The following NLRP1 variants were observed in gnomAD, a reference collection of about 807,000 sequenced individuals.
NLRP1 encodes NLR family pyrin domain containing 1.
Under a neutral mutation model 136.7 loss-of-function variants are expected in NLRP1, and 94 were observed. That is an observed-to-expected ratio of 0.69 (90% CI 0.58 to 0.82). The LOEUF (loss-of-function observed/expected upper bound fraction) is 0.82, where lower values mean the gene tolerates loss of function less well. Ranked by LOEUF, NLRP1 falls within the 40% of genes least tolerant of loss-of-function variation. NLRP1 has a pLI of 0.00. For synonymous variants in NLRP1, 690 were observed against 725.1 expected, an observed-to-expected ratio of 0.95 and a Z score of 0.78; for missense variants, 1,575 against 1,802.7, an observed-to-expected ratio of 0.87 and a Z score of 2.29.
rs770751448 is a variant in NLRP1 at position 5,541,939 on chromosome 17, T to C, written c.2617A>G (p.Ser873Gly). ...CCAGCATCCGTGAGCACATTGAAGC[T>C]CAGGTCCAGCTCGGTCAGGGTCTGG... is the stretch of plus-strand genomic sequence containing the variant. Reference protein sequence around the residue: ...ANQTLTELDLSFNVLTDAGAK... With the variant: ...ANQTLTELDLGFNVLTDAGAK... The change falls in exon 6 of 17, where the codon AGC (serine) becomes GGC (glycine). Residue 873 changes from serine (S) to glycine (G), a missense_variant. Ser to Gly is a moderately conservative substitution (Grantham distance 56). Transcript: ENST00000572272. This position sits in a 1 kb window ranked among gnomAD's most constrained non-coding sequence, Gnocchi z 4.2. 1.2e-6 allele frequency: 2 copies of C among 1,614,102 alleles called. No homozygotes were observed. The highest frequency in any genetic ancestry group is 1.7e-6 in the Non-Finnish European group (2 of 1,180,026).
intron 5 of NLRP1, among the ~76,000 whole-genome samples, chr17:5,545,337 GAC>G (rs55788409): frequency 0.54 from 79,171 of 147,576 alleles, 21,482 homozygotes; most frequent in East Asian, 0.81. Context: ...CAGACACACA[GAC>G]ACACACACAC....
At chr17:5,542,583 C>T (rs1047541692) in intron 5 of NLRP1, among the ~76,000 whole-genome samples, 1 of 152,148 alleles carries the variant, frequency 6.6e-6, no homozygotes, top group African/African-American at 2.4e-5. Context: ...TCCCCAGACT[C>T]CCTGCTCCTT....
intron 11 of NLRP1, 84 bp downstream of exon 11, chr17:5,532,738 G>A: frequency 8.0e-7 from 1 of 1,253,342 alleles, no homozygotes; most frequent in South Asian, 1.6e-5. Context: ...GGGGTAGGGG[G>A]TGGCGCTGAC....
intron 3 of NLRP1, among the ~76,000 whole-genome samples, chr17:5,580,769 T>A (rs552154582): frequency 6.6e-6 from 1 of 152,346 alleles, no homozygotes; most frequent in African/African-American, 2.4e-5. Context: ...TTGGATTTTT[T>A]AATTCACAAA....
intron 11 of NLRP1, among the ~76,000 whole-genome samples, chr17:5,532,440 G>A (rs995633686): frequency 2.0e-5 from 3 of 152,092 alleles, no homozygotes; most frequent in Non-Finnish European, 1.5e-5. Flanking sequence ...TTTGAGATGC[G>A]TAATGAAATA....
chr17:5,518,964 G>A (rs1908509991), intron 14 of NLRP1, among the ~76,000 whole-genome samples: 1 of 149,826 alleles, frequency 6.7e-6, no homozygotes, highest in South Asian at 2.1e-4. Context: ...TCAGCCTCCT[G>A]AGTATCAGGG....
rs568848216 is a variant in NLRP1, at chr17:5,536,442, C to T, written c.2960+409G>A. 9.5e-5 allele frequency among the ~76,000 whole-genome samples: 13 copies of T among 136,514 alleles called. No individual in the cohort carries two copies. In the East Asian group the frequency reaches 1.5e-3, roughly 16 times the overall value. 89.6% of individuals were successfully genotyped at this position (136,514 alleles called of 152,430 possible). ...GATTACAGGCGTGAGCCACCATGCCCGGCTTTTTTTTTTTTTTTTTTTTTT... is the reference window on the plus strand; with the variant it reads ...GATTACAGGCGTGAGCCACCATGCCTGGCTTTTTTTTTTTTTTTTTTTTTT... On this transcript the variant is annotated intron_variant, in intron 8 of 16. Transcript: ENST00000572272.
intron 12 of NLRP1, among the ~76,000 whole-genome samples, chr17:5,526,224 C>T (rs1189360618): frequency 1.3e-5 from 2 of 152,130 alleles, no homozygotes; most frequent in Non-Finnish European, 2.9e-5. Flanking sequence ...GTCATCCTCC[C>T]GTTTCTGCCT....
At chr17:5,539,010 A>G (rs1911485517) in intron 7 of NLRP1, among the ~76,000 whole-genome samples, 2 of 152,112 alleles carry the variant, frequency 1.3e-5, no homozygotes, top group African/African-American at 4.8e-5. Flanking sequence ...AGCTGGGATT[A>G]CAGGTGCACA....
At chr17:5,581,713 C>T (rs761330703) in intron 3 of NLRP1, 146 bp downstream of exon 3, 68 of 752,962 alleles carry the variant, frequency 9.0e-5, no homozygotes, top group Middle Eastern at 3.6e-4. Context: ...AGTGGAGAGG[C>T]TCCAAGGGTG....
At chr17:5,553,892 T>C (rs1021780089) in intron 4 of NLRP1, among the ~76,000 whole-genome samples, 2 of 151,020 alleles carry the variant, frequency 1.3e-5, no homozygotes, top group Non-Finnish European at 2.9e-5. Context: ...CTGCTCAGCA[T>C]AGGGCCTGGC....
intron 3 of NLRP1, among the ~76,000 whole-genome samples, chr17:5,568,107 G>C (rs1467529059): frequency 2.0e-5 from 3 of 151,960 alleles, no homozygotes; most frequent in Non-Finnish European, 4.4e-5. Flanking sequence ...CCCTAGGTTT[G>C]GGAAATTTTC....
At chr17:5,545,156 A>T (rs1912409571) in intron 5 of NLRP1, among the ~76,000 whole-genome samples, 1 of 152,098 alleles carries the variant, frequency 6.6e-6, no homozygotes, top group Non-Finnish European at 1.5e-5. Context: ...TTAAACACAC[A>T]TCCTGGCAAG....
At chr17:5,511,845 C>CCTCTTT (rs755542822), downstream of NLRP1, among the ~76,000 whole-genome samples, 5 of 149,980 alleles carry the variant, frequency 3.3e-5, no homozygotes, top group African/African-American at 4.9e-5. Context: ...CCTTCCTCTT[C>CCTCTTT]CTCTTTCTCT....
chr17:5,558,966 T>C lies in NLRP1; in HGVS notation c.1730A>G (p.Glu577Gly). 1.2e-6 allele frequency: 2 copies of C among 1,614,128 alleles called. No homozygotes were observed. Among genetic ancestry groups the C allele is most frequent in the South Asian group, 1.1e-5 (1 of 91,074 alleles). ...AAGGGTCTTTTTTTGCCAGATGCCCTCAGCAGCCAGAGAGCAGAGGTCTCT... is the reference window on the plus strand; with the variant it reads ...AAGGGTCTTTTTTTGCCAGATGCCCCCAGCAGCCAGAGAGCAGAGGTCTCT... The part of the protein sequence containing the change: ...QLRDLCSLAA[E>G]GIWQKKTLFS... Residue 577 changes from glutamate to glycine, a missense_variant, in exon 4 of 17, where the codon GAG becomes GGG. Coordinates refer to ENST00000572272, the MANE Select transcript of NLRP1 (RefSeq NM_033004.4).
At chr17:5,558,314 A>G in intron 4 of NLRP1, 25 bp downstream of exon 4, 1 of 1,568,852 alleles carries the variant, frequency 6.4e-7, no homozygotes, top group South Asian at 1.2e-5. Context: ...GAGGAGCTGC[A>G]GACATGGGTG....
At chr17:5,568,816 T>C (rs1597473395) in intron 3 of NLRP1, among the ~76,000 whole-genome samples, 1 of 152,340 alleles carries the variant, frequency 6.6e-6, no homozygotes, top group Non-Finnish European at 1.5e-5. Context: ...ACCACCTTAA[T>C]AGTCTTAGAC....
chr17:5,551,033 AT>A (rs1222873382), intron 5 of NLRP1, among the ~76,000 whole-genome samples: 9 of 152,052 alleles, frequency 5.9e-5, no homozygotes, highest in African/African-American at 2.2e-4. Flanking sequence ...ATAAACTGAC[AT>A]GGACACATCA....
At chr17:5,508,374 C>T (rs562371179) in intron 15 of NLRP1, among the ~76,000 whole-genome samples, 9 of 152,186 alleles carry the variant, frequency 5.9e-5, no homozygotes, top group Admixed American at 5.2e-4. Flanking sequence ...TGGCCTTGAA[C>T]TCCTGGCCTC....
Sources: allele counts gnomAD v4.1 joint callset (sites outside exome capture counted in the v4.1 genomes callset), GRCh38; gene constraint gnomAD v4.1.1; non-coding constraint Gnocchi (gnomAD v3.1); transcripts MANE v1.5; gene names NCBI Gene and HGNC (gene_info 2026-07-23, HGNC 2026-07-21).